The following MBD5 variants were observed in gnomAD, a reference collection of about 807,000 sequenced individuals.
MBD5 encodes the protein methyl-CpG-binding domain protein 5.
A neutral mutation model predicts 117.3 loss-of-function variants in MBD5; 13 were observed. The ratio of observed to expected loss-of-function variants is 0.11; its 90% CI spans 0.07 to 0.18. The LOEUF is 0.18. Ranked by LOEUF, MBD5 falls within the 10% of genes least tolerant of loss-of-function variation. The pLI, the probability that MBD5 is intolerant of heterozygous loss-of-function variation, is 1.00. For synonymous variants in MBD5, 727 were observed against 766.4 expected, an observed-to-expected ratio of 0.95 and a Z score of 0.85; for missense variants, 1,879 against 2,093.8, an observed-to-expected ratio of 0.90 and a Z score of 2.00.
At chr2:148,240,883 T>C (rs1700202668) in intron 3 of MBD5, among the ~76,000 whole-genome samples, 1 of 152,040 alleles carries the variant, frequency 6.6e-6, no homozygotes, top group African/African-American at 2.4e-5. Flanking sequence ...TTTGTTATGG[T>C]AAAATATATA....
At position 148,035,911 on chromosome 2, in the gene MBD5, C is replaced by G. The variant is rs139570661; in HGVS notation, c.-925+14227C>G. Among the ~76,000 whole-genome samples, 800 of 152,188 alleles carry G rather than the reference C, an allele frequency of 5.3e-3. 6 individuals carry two copies. The highest frequency in any genetic ancestry group is 0.018 in the African/African-American group (736 of 41,532). On this transcript the variant is annotated intron_variant, in intron 1 of 13. Transcript: ENST00000642680. ...AATGCCTGGTTCATGCTAAGTGACACAAAAGTATTAACTGTTATAGTGATT... is the reference window on the plus strand; with the variant it reads ...AATGCCTGGTTCATGCTAAGTGACAGAAAAGTATTAACTGTTATAGTGATT...
intron 1 of MBD5, among the ~76,000 whole-genome samples, chr2:148,147,064 T>C (rs958364144): frequency 6.6e-6 from 1 of 152,048 alleles, no homozygotes; most frequent in Non-Finnish European, 1.5e-5. Flanking sequence ...TTTAGTTCTT[T>C]GAACATATGT....
At chr2:148,362,102 T>C (rs959668579) in intron 4 of MBD5, among the ~76,000 whole-genome samples, 6 of 152,140 alleles carry the variant, frequency 3.9e-5, no homozygotes, top group African/African-American at 1.4e-4. Flanking sequence ...GTTTTTTTCA[T>C]ACCCCAGTGG....
chr2:148,368,043 A>G (rs1021458936), intron 4 of MBD5, among the ~76,000 whole-genome samples: 6 of 152,212 alleles, frequency 3.9e-5, no homozygotes, highest in Non-Finnish European at 2.9e-5. Flanking sequence ...TTATTGCAGC[A>G]TTATTCACAA....
chr2:148,259,171 C>T (rs1196505151), intron 3 of MBD5, among the ~76,000 whole-genome samples: 3 of 152,170 alleles, frequency 2.0e-5, no homozygotes, highest in East Asian at 1.9e-4. Context: ...CCACATAGTC[C>T]GTATGGCTGC....
intron 8 of MBD5, chr2:148,471,390 C>G (rs991128026): frequency 2.0e-5 from 3 of 152,040 alleles, no homozygotes; most frequent in African/African-American, 7.2e-5. Context: ...TTATTCAACA[C>G]TAATGATTTA....
At chr2:148,074,239 A>C (rs1449994409) in intron 1 of MBD5, among the ~76,000 whole-genome samples, 1 of 152,168 alleles carries the variant, frequency 6.6e-6, no homozygotes, top group Non-Finnish European at 1.5e-5. Context: ...CTAAGTGTTA[A>C]AAGGACCTTC....
At chr2:148,282,674 C>A (rs1701276464) in intron 3 of MBD5, among the ~76,000 whole-genome samples, 1 of 151,626 alleles carries the variant, frequency 6.6e-6, no homozygotes, top group African/African-American at 2.4e-5. Flanking sequence ...TATAAATTCA[C>A]TTATAGCCAT....
At chr2:148,295,309 A>G (rs1468356784) in intron 3 of MBD5, among the ~76,000 whole-genome samples, 1 of 152,078 alleles carries the variant, frequency 6.6e-6, no homozygotes, top group Non-Finnish European at 1.5e-5. Flanking sequence ...TATTCTGCCA[A>G]CTGAAATCTA....
Position 148,160,055 on chromosome 2 carries a change from A to G in MBD5, c.-924-18645A>G, listed in dbSNP as rs141202200. On this transcript the variant is annotated intron_variant, in intron 1 of 13. Coordinates refer to ENST00000642680, the MANE Select transcript of MBD5 (RefSeq NM_001378120.1). ...TCTCAACCCTGGCTGCACATCAGAA[A>G]CACCTGTGGGGTTTTCTAGACATAT... Among the ~76,000 whole-genome samples the G allele has an allele frequency of 2.0e-5, 3 of 152,330 alleles. No homozygotes were observed. The East Asian group carries it at 5.8e-4, about 29-fold the overall frequency.
intron 2 of MBD5, among the ~76,000 whole-genome samples, chr2:148,191,729 C>CT (rs1377977488): frequency 1.8e-5 from 1 of 54,506 alleles, no homozygotes; most frequent in Non-Finnish European, 3.4e-5. Flanking sequence ...CATTCAAAAG[C>CT]TAGCAGAAGG....
chr2:148,378,824 A>G (rs981884981), intron 4 of MBD5, among the ~76,000 whole-genome samples: 6 of 152,096 alleles, frequency 3.9e-5, no homozygotes, highest in South Asian at 4.1e-4. Context: ...TGATTAGGTA[A>G]TTACAAATGT....
intron 8 of MBD5, 97 bp downstream of exon 8, chr2:148,470,558 C>A: frequency 2.1e-6 from 2 of 957,420 alleles, no homozygotes; most frequent in East Asian, 5.3e-5. Flanking sequence ...AGAAATGATC[C>A]TTTCCCCATT....
At chr2:148,499,916 T>C (rs532025522) in intron 11 of MBD5, among the ~76,000 whole-genome samples, 1 of 152,310 alleles carries the variant, frequency 6.6e-6, no homozygotes, top group South Asian at 2.1e-4. Context: ...AGTGCTAAAA[T>C]CCTGAAACAA....
intron 2 of MBD5, among the ~76,000 whole-genome samples, chr2:148,226,840 G>A (rs955264407): frequency 4.2e-4 from 64 of 152,290 alleles, no homozygotes; most frequent in African/African-American, 1.5e-3. Flanking sequence ...TTGTGGTTTT[G>A]ATTTGCATTT....
chr2:148,333,258 G>C (rs1702704710), intron 3 of MBD5, among the ~76,000 whole-genome samples: 1 of 152,074 alleles, frequency 6.6e-6, no homozygotes, highest in Non-Finnish European at 1.5e-5. Flanking sequence ...TATAGTTAAG[G>C]AAGTAAAAAT....
At chr2:148,325,134 T>C (rs371839627) in intron 3 of MBD5, among the ~76,000 whole-genome samples, 16 of 152,280 alleles carry the variant, frequency 1.1e-4, no homozygotes, top group African/African-American at 3.8e-4. Context: ...TGCTGGATTA[T>C]ATTTATTGAT....
chr2:148,128,744 G>A (rs1349348531), intron 1 of MBD5, among the ~76,000 whole-genome samples: 1 of 152,084 alleles, frequency 6.6e-6, no homozygotes, highest in Non-Finnish European at 1.5e-5. Context: ...TGCATGTATT[G>A]CCAGTGAGCC....
intron 3 of MBD5, among the ~76,000 whole-genome samples, chr2:148,282,744 T>C (rs1701278501): frequency 6.6e-6 from 1 of 151,724 alleles, no homozygotes; most frequent in East Asian, 1.9e-4. Context: ...CTATATATGA[T>C]ATATTAATTT....
Sources: gnomAD v4.1 joint callset for allele counts (sites outside exome capture counted in the v4.1 genomes callset) on GRCh38, gnomAD v4.1.1 for gene constraint, MANE v1.5 for transcripts, NCBI Gene and HGNC (gene_info 2026-07-23, HGNC 2026-07-21) for gene names.